The following SLC38A7 variants were observed in gnomAD, a reference collection of about 807,000 sequenced individuals.
The protein encoded by SLC38A7 is sodium-coupled neutral amino acid transporter 7.
In SLC38A7, 29 loss-of-function variants were observed where a neutral mutation model predicts 50.1. The observed-to-expected ratio is 0.58, with a 90% confidence interval of 0.43 to 0.79. SLC38A7 has a LOEUF of 0.79. Among genes scored for constraint, SLC38A7 ranks in the 30% least tolerant of loss-of-function variants. The pLI is 0.00. For missense variants in SLC38A7, 483 were observed against 610.6 expected, an observed-to-expected ratio of 0.79 and a Z score of 2.20; for synonymous variants, 244 against 245.9, an observed-to-expected ratio of 0.99 and a Z score of 0.07.
At chr16:58,672,287 G>C (rs754958680) in intron 8 of SLC38A7, 44 bp from the exon 9 acceptor site, 2 of 1,550,960 alleles carry the variant, frequency 1.3e-6, no homozygotes, top group Non-Finnish European at 1.7e-6. Flanking sequence ...TGGGAGGGTA[G>C]TGGGGTGGAC....
At position 58,678,382 on chromosome 16, in the gene SLC38A7, T is replaced by A; in HGVS notation, c.562A>T (p.Ile188Phe). 4 of 1,599,760 alleles carry A rather than the reference T, an allele frequency of 2.5e-6. No individual in the cohort carries two copies. Among genetic ancestry groups the A allele is most frequent in the Non-Finnish European group, 3.4e-6 (4 of 1,172,982 alleles). ...FTISLTAFLF[I>F]LPLSIPREIG... ...TCCCTGGGGATGGAGAGGGGCAGGA[T>A]GAAGAGGAAGGCAGTGAGGCTGATG... The change falls in exon 5 of 12, where the codon ATC becomes TTC. Residue 188 changes from isoleucine to phenylalanine, a missense_variant. Physicochemically the swap from Ile to Phe is conservative, Grantham distance 21. Transcript: ENST00000219320. The surrounding 1 kb of genome is among the most constrained non-coding windows in gnomAD (Gnocchi z 4.0).
intron 2 of SLC38A7, among the ~76,000 whole-genome samples, chr16:58,683,369 C>T (rs1239548250): frequency 1.3e-5 from 2 of 152,180 alleles, no homozygotes; most frequent in African/African-American, 4.8e-5. Context: ...GGGGACCATC[C>T]ACTCATGAGA....
chr16:58,676,032 A>G lies in SLC38A7; in HGVS notation c.791T>C (p.Val264Ala). Residue 264 changes from valine to alanine, a missense_variant, in exon 8 of 12, where the codon GTC becomes GCC. Val to Ala is a moderately conservative substitution (Grantham distance 64). Coordinates refer to ENST00000219320, the MANE Select transcript of SLC38A7 (RefSeq NM_018231.3). The stretch of plus-strand genomic sequence containing the variant: ...TTCAGGCTGCTGCATGCTGTTGAAG[A>G]CGGGCACACTGCTGACGTGGCACTG... ...GFQCHVSSVP[V>A]FNSMQQPEVK... 1 of 1,613,524 alleles carries G rather than the reference A, an allele frequency of 6.2e-7. No homozygotes were observed. The highest frequency in any genetic ancestry group is 8.5e-7 in the Non-Finnish European group (1 of 1,179,798).
At chr16:58,674,817 G>C (rs1425445434) in intron 8 of SLC38A7, among the ~76,000 whole-genome samples, 1 of 152,086 alleles carries the variant, frequency 6.6e-6, no homozygotes, top group East Asian at 1.9e-4. Flanking sequence ...TCTATCCGTG[G>C]AAAGAACTCA....
intron 5 of SLC38A7, 92 bp from the exon 6 acceptor site, chr16:58,677,516 A>T (rs1177680755): frequency 2.7e-5 from 28 of 1,053,096 alleles, no homozygotes; most frequent in Non-Finnish European, 4.1e-5. Context: ...TCTAGCGACC[A>T]CAAGTGTCCA....
rs762332436 is a variant in SLC38A7, at chr16:58,670,100, G to T, written c.1286+13C>A. On this transcript the variant is annotated intron_variant, in intron 11 of 11. Transcript: ENST00000219320. ...ACCTCCCTGAGAGGATCAAGGGCTG[G>T]GTCCTGCTTTACCTGGCTGGTTTGA... 2 of 1,613,932 alleles carry T rather than the reference G, an allele frequency of 1.2e-6. No homozygotes were observed. The highest frequency in any genetic ancestry group is 1.7e-6 in the Non-Finnish European group (2 of 1,179,842).
Position 58,676,045 on chromosome 16 carries a change from T to C in SLC38A7, c.778A>G (p.Ser260Gly). Residue 260 changes from serine (S) to glycine (G), a missense_variant, in exon 8 of 12, where the codon AGC becomes GGC. Physicochemically the swap from Ser to Gly is moderately conservative, Grantham distance 56 (BLOSUM62 0). Transcript: ENST00000219320. ...ATGCTGTTGAAGACGGGCACACTGC[T>C]GACGTGGCACTGTCCAGGTGAAGGG... ...TICFGFQCHV[S>G]SVPVFNSMQQ... 6.2e-7 allele frequency: 1 copy of C among 1,613,156 alleles called. No homozygotes were observed. The highest frequency in any genetic ancestry group is 1.3e-5 in the African/African-American group (1 of 75,020).
intron 5 of SLC38A7, 100 bp from the exon 6 acceptor site, chr16:58,677,524 C>G: frequency 1.0e-6 from 1 of 991,012 alleles, no homozygotes; most frequent in Middle Eastern, 2.1e-4. Context: ...CCACAAGTGT[C>G]CACTGAATGA....
chr16:58,680,679 C>A (rs776800217), intron 2 of SLC38A7, among the ~76,000 whole-genome samples: 1 of 152,160 alleles, frequency 6.6e-6, no homozygotes, highest in Non-Finnish European at 1.5e-5. Context: ...CCTGTTTCCA[C>A]CCCACAGGGT....
chr16:58,678,428 C>T lies in SLC38A7; in HGVS notation c.516G>A (p.Trp172Ter). 6.3e-7 allele frequency: 1 copy of T among 1,588,402 alleles called. No individual in the cohort carries two copies. The highest frequency in any genetic ancestry group is 8.6e-7 in the Non-Finnish European group (1 of 1,166,958). ...AKEPEGASGP[W>*]YTDRKFTISL... ...TGATGGTGAACTTGCGGTCTGTGTA[C>T]CAAGGGCCGCTGGCCCCCTCCGGCT... Residue 172 changes from tryptophan (W) to a stop codon, truncating the protein, a stop_gained, in exon 5 of 12, where the codon TGG becomes TGA. Coordinates refer to ENST00000219320, the MANE Select transcript of SLC38A7 (RefSeq NM_018231.3). LOFTEE classifies it high-confidence loss of function. This position sits in a 1 kb window ranked among gnomAD's most constrained non-coding sequence, Gnocchi z 4.0.
In SLC38A7 at chr16:58,678,429, C is replaced by G; in HGVS notation, c.515G>C (p.Trp172Ser). The change falls in exon 5 of 12, where the codon TGG becomes TCG. Residue 172 changes from tryptophan to serine, a missense_variant. Coordinates refer to ENST00000219320, the MANE Select transcript of SLC38A7 (RefSeq NM_018231.3). The surrounding 1 kb of genome is among the most constrained non-coding windows in gnomAD (Gnocchi z 4.0). ...AKEPEGASGP[W>S]YTDRKFTISL... ...GATGGTGAACTTGCGGTCTGTGTAC[C>G]AAGGGCCGCTGGCCCCCTCCGGCTC... 6.3e-7 allele frequency: 1 copy of G among 1,588,256 alleles called. No homozygotes were observed. Among genetic ancestry groups the G allele is most frequent in the African/African-American group, 1.3e-5 (1 of 74,186 alleles).
At chr16:58,668,372 C>A (rs1026178999) in intron 11 of SLC38A7, among the ~76,000 whole-genome samples, 6 of 152,180 alleles carry the variant, frequency 3.9e-5, no homozygotes, top group African/African-American at 1.4e-4. Flanking sequence ...GTCAGGAGTT[C>A]GAGATCAGCC....
rs373220464 is a variant in SLC38A7 at position 58,676,364 on chromosome 16, T to C, written c.711-18A>G. On this transcript the variant is annotated intron_variant, in intron 6 of 11. Transcript: ENST00000219320. ...AAGCCGGCCTGTGAACAAACACACA[T>C]GGTGCTGCCACCTGGGAACCCCTCA... is the stretch of plus-strand genomic sequence containing the variant. 76 of 1,614,088 alleles carry C rather than the reference T, an allele frequency of 4.7e-5. No homozygotes were observed. In the Middle Eastern group the frequency reaches 4.9e-4, roughly 11 times the overall value.
At chr16:58,679,085 C>T (rs191277587) in intron 3 of SLC38A7, among the ~76,000 whole-genome samples, 191 bp from the exon 4 acceptor site, 64 of 152,268 alleles carry the variant, frequency 4.2e-4, no homozygotes, top group African/African-American at 1.3e-3. Flanking sequence ...TGAAAAATTG[C>T]CAACATACAA....
In SLC38A7 at chr16:58,679,890, C is replaced by T. The variant is rs1454071866; in HGVS notation, c.237G>A (p.Ala79=). The change falls in exon 3 of 12, where the codon GCG becomes GCA. Residue 79 remains alanine, a synonymous_variant. Transcript: ENST00000219320. ...GTGCGATGCCTGCTGCCACGCCCCC[C>T]GCAGTGCTGAAGGCTGCTGGGAAGT... ...LLNFPAAFST[A]GGVAAGIALQ... 3.7e-6 allele frequency: 6 copies of T among 1,613,854 alleles called. No individual in the cohort carries two copies. Among genetic ancestry groups the T allele is most frequent in the East Asian group, 2.2e-5 (1 of 44,880 alleles).
At chr16:58,679,031 A>G in intron 3 of SLC38A7, 137 bp from the exon 4 acceptor site, 3 of 810,286 alleles carry the variant, frequency 3.7e-6, no homozygotes, top group Non-Finnish European at 5.7e-6. Flanking sequence ...AGAGACTGCT[A>G]GAGGATGCCG....
chr16:58,670,020 A>G (rs1181576516), intron 11 of SLC38A7, 93 bp downstream of exon 11: 10 of 1,088,306 alleles, frequency 9.2e-6, no homozygotes, highest in Non-Finnish European at 1.3e-5. Context: ...TAAGTACACA[A>G]GCCTCTGACT....
intron 2 of SLC38A7, chr16:58,683,585 C>G (rs961932926): frequency 6.6e-6 from 1 of 152,334 alleles, no homozygotes; most frequent in African/African-American, 2.4e-5. Flanking sequence ...AAGGCAGAGT[C>G]TTGGGACTCC....
Position 58,680,022 on chromosome 16 carries a change from G to T in SLC38A7, c.105C>A (p.Pro35=), listed in dbSNP as rs1056025568. The T allele has an allele frequency of 5.6e-6, 9 of 1,609,828 alleles. No individual in the cohort carries two copies. Among genetic ancestry groups the T allele is most frequent in the Non-Finnish European group, 1.7e-6 (2 of 1,177,730 alleles). ...CAGGAGAGGCTTCCCACTCACTCTT[G>T]GGGGCTGTGTCCACACAGGGACTCT... ...LLQSPCVDTA[P]KSEWEASPGG... is the part of the protein sequence containing the mutation. The change falls in exon 3 of 12, where the codon CCC becomes CCA. Residue 35 remains proline, a synonymous_variant. Transcript: ENST00000219320.
Sources: gnomAD v4.1 joint callset for allele counts (sites outside exome capture counted in the v4.1 genomes callset) on GRCh38, gnomAD v4.1.1 for gene constraint, Gnocchi (gnomAD v3.1) non-coding constraint, MANE v1.5 for transcripts, NCBI Gene and HGNC (gene_info 2026-07-23, HGNC 2026-07-21) for gene names.